The following STK39 variants were observed in gnomAD, a reference collection of about 807,000 sequenced individuals.
The protein encoded by STK39 is STE20/SPS1-related proline-alanine-rich protein kinase.
Under a neutral mutation model 77.8 loss-of-function variants are expected in STK39, and 20 were observed. The observed-to-expected ratio is 0.26, with a 90% CI of 0.18 to 0.37. The LOEUF (loss-of-function observed/expected upper bound fraction) is 0.37. Among genes scored for constraint, STK39 ranks in the 10% least tolerant of loss-of-function variants. The pLI is 1.00. For synonymous variants in STK39, 246 were observed against 234.1 expected (o/e 1.05, Z -0.47); for missense variants, 479 against 656.5 (o/e 0.73, Z 2.95).
intron 12 of STK39, among the ~76,000 whole-genome samples, chr2:168,074,752 A>C (rs1156795437): frequency 6.6e-6 from 1 of 152,166 alleles, no homozygotes; most frequent in Non-Finnish European, 1.5e-5. Context: ...AAGTACTGGG[A>C]TCATCCTCAT....
intron 2 of STK39, among the ~76,000 whole-genome samples, chr2:168,179,231 T>C (rs1396614024): frequency 2.6e-5 from 4 of 152,290 alleles, no homozygotes; most frequent in Non-Finnish European, 5.9e-5. Flanking sequence ...ATACCAGATG[T>C]CCAAACACTG....
chr2:167,994,348 T>A (rs920060075), intron 16 of STK39, among the ~76,000 whole-genome samples: 8 of 151,988 alleles, frequency 5.3e-5, no homozygotes, highest in Admixed American at 4.6e-4. Flanking sequence ...AGAAAAAAAA[T>A]CAATACTACT....
intron 1 of STK39, among the ~76,000 whole-genome samples, chr2:168,219,478 T>C (rs905500788): frequency 2.0e-5 from 3 of 152,116 alleles, no homozygotes; most frequent in African/African-American, 7.2e-5. Flanking sequence ...TTCTGTGACT[T>C]CTTTTACTTC....
intron 1 of STK39, among the ~76,000 whole-genome samples, chr2:168,231,599 T>C (rs2105261450): frequency 6.6e-6 from 1 of 151,864 alleles, no homozygotes; most frequent in South Asian, 2.1e-4. Context: ...GACTAAAATA[T>C]TATTTCTTTT....
At chr2:168,190,595 G>T (rs993626987) in intron 1 of STK39, among the ~76,000 whole-genome samples, 2 of 152,076 alleles carry the variant, frequency 1.3e-5, no homozygotes, top group Non-Finnish European at 2.9e-5. Context: ...ATAAACTAGG[G>T]ACTTCAATAA....
chr2:167,995,791 T>G (rs754755077), intron 16 of STK39, among the ~76,000 whole-genome samples: 6 of 152,130 alleles, frequency 3.9e-5, no homozygotes, highest in Non-Finnish European at 7.4e-5. Context: ...AATGAACAGG[T>G]GTCTCTTACA....
At chr2:168,155,468 A>G (rs1234127641) in intron 5 of STK39, among the ~76,000 whole-genome samples, 2 of 152,168 alleles carry the variant, frequency 1.3e-5, no homozygotes, top group Non-Finnish European at 2.9e-5. Context: ...ATGTATGAGA[A>G]TTTTGTCGTA....
At chr2:168,033,724 G>A (rs1438763393) in intron 14 of STK39, among the ~76,000 whole-genome samples, 1 of 152,168 alleles carries the variant, frequency 6.6e-6, no homozygotes, top group Non-Finnish European at 1.5e-5. Flanking sequence ...CAAAGTACTT[G>A]GTTGCTTAGG....
At chr2:167,970,486 A>G (rs1379000885) in intron 16 of STK39, among the ~76,000 whole-genome samples, 1 of 152,240 alleles carries the variant, frequency 6.6e-6, no homozygotes, top group Non-Finnish European at 1.5e-5. Flanking sequence ...AAAAGTTTGC[A>G]TACAATTTAG....
At chr2:168,180,859 T>C (rs1330721902) in intron 2 of STK39, among the ~76,000 whole-genome samples, 2 of 152,206 alleles carry the variant, frequency 1.3e-5, no homozygotes, top group African/African-American at 2.4e-5. Flanking sequence ...TAGCCGGCAA[T>C]CCATTGCTTC....
intron 16 of STK39, among the ~76,000 whole-genome samples, chr2:167,992,770 T>A (rs372246970): frequency 6.6e-6 from 1 of 152,188 alleles, no homozygotes; most frequent in Non-Finnish European, 1.5e-5. Flanking sequence ...AATTTCTGCA[T>A]ACCAAATATA....
At chr2:167,996,674 T>A (rs930208550) in intron 16 of STK39, among the ~76,000 whole-genome samples, 80 of 152,200 alleles carry the variant, frequency 5.3e-4, no homozygotes, top group African/African-American at 1.8e-3. Context: ...TCTTGAGGCC[T>A]ATAAGCATGG....
intron 2 of STK39, among the ~76,000 whole-genome samples, chr2:168,168,745 C>G (rs1355225831): frequency 1.3e-5 from 2 of 152,220 alleles, no homozygotes; most frequent in African/African-American, 4.8e-5. Context: ...AATCCCAACA[C>G]TTTGGGAGGC....
intron 5 of STK39, among the ~76,000 whole-genome samples, chr2:168,157,308 A>C (rs1266080175): frequency 2.0e-5 from 3 of 152,216 alleles, no homozygotes; most frequent in Non-Finnish European, 4.4e-5. Flanking sequence ...CACATACGTG[A>C]GGCATTTTGA....
chr2:168,119,883 G>T (rs1279774326), intron 10 of STK39, among the ~76,000 whole-genome samples: 1 of 152,036 alleles, frequency 6.6e-6, no homozygotes, highest in East Asian at 1.9e-4. Context: ...CCTCTTTATC[G>T]ACTAAAAGAA....
intron 16 of STK39, among the ~76,000 whole-genome samples, chr2:168,007,254 T>C (rs559257720): frequency 6.6e-6 from 1 of 152,360 alleles, no homozygotes; most frequent in South Asian, 2.1e-4. Context: ...TTGCAAACAC[T>C]TTGAATTTTG....
chr2:168,064,407 C>A lies in STK39; in HGVS notation c.1306-837G>T, dbSNP rs532818673. ...TGAGTTGCCTGATATAGTGTAAAGACCTAAACCGAATCCTGACTTGGCCTC... is the reference window on the plus strand; with the variant it reads ...TGAGTTGCCTGATATAGTGTAAAGAACTAAACCGAATCCTGACTTGGCCTC... On this transcript the variant is annotated intron_variant, in intron 13 of 17. Transcript: ENST00000355999. 5.9e-5 allele frequency among the ~76,000 whole-genome samples: 9 copies of A among 152,230 alleles called. No homozygotes were observed. In the East Asian group the frequency reaches 1.5e-3, roughly 26 times the overall value.
At chr2:168,212,812 CTCCTGGGT>C (rs1242329484) in intron 1 of STK39, among the ~76,000 whole-genome samples, 1 of 152,194 alleles carries the variant, frequency 6.6e-6, no homozygotes, top group African/African-American at 2.4e-5. Flanking sequence ...CATCCTCTCC[CTCCTGGGT>C]TCCTTGTAAA....
chr2:168,105,640 C>A (rs980921218), intron 10 of STK39, among the ~76,000 whole-genome samples: 2 of 152,170 alleles, frequency 1.3e-5, no homozygotes, highest in Non-Finnish European at 2.9e-5. Context: ...AACACCATTT[C>A]TTAAAGAAGC....
Sources: allele counts gnomAD v4.1 joint callset (sites outside exome capture counted in the v4.1 genomes callset), GRCh38; gene constraint gnomAD v4.1.1; transcripts MANE v1.5; gene names NCBI Gene and HGNC (gene_info 2026-07-23, HGNC 2026-07-21).